ARL10: variants seen among roughly 807,000 people sequenced by gnomAD.
The protein encoded by ARL10 is ADP-ribosylation factor-like protein 10.
In ARL10, 23 loss-of-function variants were observed where a neutral mutation model predicts 26.1. The observed-to-expected ratio is 0.88, with a 90% CI of 0.63 to 1.25. ARL10 has a LOEUF of 1.25. Among genes scored for constraint, ARL10 ranks in the 50% most tolerant of loss-of-function variants. The pLI, the probability that ARL10 is intolerant of heterozygous loss-of-function variation, is 0.00. For synonymous variants in ARL10, 138 were observed against 149.1 expected (o/e 0.93, Z 0.54); for missense variants, 300 against 323.6 (o/e 0.93, Z 0.56).
intron 1 of ARL10, among the ~76,000 whole-genome samples, chr5:176,396,150 C>G (rs1046218008): frequency 6.6e-6 from 1 of 152,090 alleles, no homozygotes; most frequent in African/African-American, 2.4e-5. Context: ...AACAAAAAAC[C>G]CTTCACCCCA....
Position 176,368,845 on chromosome 5 carries a change from T to G in ARL10, c.424T>G (p.Phe142Val), listed in dbSNP as rs752248335. The G allele has an allele frequency of 6.2e-7, 1 of 1,613,376 alleles. No individual in the cohort carries two copies. The highest frequency in any genetic ancestry group is 2.2e-5 in the East Asian group (1 of 44,864). The change falls in exon 3 of 4, where the codon TTT becomes GTT. Residue 142 changes from phenylalanine (F) to valine (V), a missense_variant. Transcript: ENST00000310389. This position sits in a 1 kb window ranked among gnomAD's most constrained non-coding sequence, Gnocchi z 4.1. ...SQNLRFYWKE[F>V]VSEVDVLVFV... ...GAACCTGCGCTTCTACTGGAAGGAG[T>G]TTGTGAGCGAGGTGGATGTGCTGGT...
chr5:176,375,142 A>ATCCACCCGTCCACCCGTCCACCCG lies in ARL10; in HGVS notation c.*3254_*3255insGTCCACCCGTCCACCCGTCCACCC, dbSNP rs1561775742. 3.3e-5 allele frequency: 2 copies of ATCCACCCGTCCACCCGTCCACCCG among 60,426 alleles called. No individual in the cohort carries two copies. Among genetic ancestry groups the ATCCACCCGTCCACCCGTCCACCCG allele is most frequent in the African/African-American group, 1.1e-4 (2 of 18,000 alleles). The allele number at this position is 60,426 out of a possible 1,614,324, so 3.7% of individuals were successfully genotyped here. A position where few individuals can be genotyped will look rare whatever the true frequency, so the allele number is the denominator to read the frequency against. On this transcript the variant is annotated 3_prime_UTR_variant, in exon 4 of 4. Transcript: ENST00000310389. Reference sequence around the variant, plus strand: ...CGTCCACCCGTCCACCCGTCCACCCATCCACCCACCCACCCATCCATCCAC... The same window carrying ATCCACCCGTCCACCCGTCCACCCG: ...CGTCCACCCGTCCACCCGTCCACCCATCCACCCGTCCACCCGTCCACCCGTCCACCCACCCACCCATCCATCCAC...
In ARL10 at chr5:176,372,876, T is replaced by C. The variant is rs1768587674; in HGVS notation, c.*981T>C. 2.5e-6 allele frequency: 1 copy of C among 398,568 alleles called. No individual in the cohort carries two copies. The highest frequency in any genetic ancestry group is 2.1e-5 in the African/African-American group (1 of 48,586). The allele number at this position is 398,568 out of a possible 1,614,324, so 24.7% of individuals were successfully genotyped here. On this transcript the variant is annotated 3_prime_UTR_variant, in exon 4 of 4. Coordinates refer to ENST00000310389, the MANE Select transcript of ARL10 (RefSeq NM_173664.6). Reference sequence around the variant, plus strand: ...CTGTTTTCAAAACCCCAGATGACAGTCATAGAAAATTTGGAACTTAGGAAA... The same window carrying C: ...CTGTTTTCAAAACCCCAGATGACAGCCATAGAAAATTTGGAACTTAGGAAA...
chr5:176,365,638 C>T lies in ARL10; in HGVS notation c.75C>T (p.Phe25=). ...GAAAVLGSVL[F]ILWKTYFGRG... is the part of the protein sequence containing the mutation. The stretch of plus-strand genomic sequence containing the variant: ...CGGCGGTGCTGGGCTCGGTGCTCTT[C>T]ATCCTCTGGAAGACCTACTTCGGCC... The change falls in exon 1 of 4, where the codon TTC becomes TTT. Residue 25 remains phenylalanine, a synonymous_variant. Transcript: ENST00000310389. The T allele has an allele frequency of 7.9e-7, 1 of 1,260,440 alleles. No homozygotes were observed. The highest frequency in any genetic ancestry group is 3.4e-5 in the South Asian group (1 of 29,632). The allele number at this position is 1,260,440 out of a possible 1,614,324, so 78.1% of individuals were successfully genotyped here.
exon 2 of ARL10, chr5:176,388,388 G>A (rs779424803): frequency 6.2e-7 from 1 of 1,612,296 alleles, no homozygotes; most frequent in Non-Finnish European, 8.5e-7. Flanking sequence ...CTCGCGGACC[G>A]TCCCGGCCGA....
the ARL10 span, among the ~76,000 whole-genome samples, chr5:176,410,643 C>T: frequency 1.3e-5 from 2 of 152,160 alleles, no homozygotes; most frequent in African/African-American, 4.8e-5. Context: ...ATCACTGACC[C>T]CTGGCCATGG....
At chr5:176,386,864 C>T (rs781612471), downstream of ARL10, 16 of 1,614,140 alleles carry the variant, frequency 9.9e-6, no homozygotes, top group Admixed American at 1.7e-5. Context: ...GGCTTCCGTA[C>T]AAGCTCTTTA....
chr5:176,366,873 G>A (rs1768329259), intron 2 of ARL10, among the ~76,000 whole-genome samples: 1 of 152,042 alleles, frequency 6.6e-6, no homozygotes, highest in Admixed American at 6.6e-5. Context: ...AGCACTTGAC[G>A]GGCATTGCTT....
At position 176,379,801 on chromosome 5, in the gene ARL10, C is replaced by G. The variant is rs1340167461; in HGVS notation, c.*7906C>G. 2.6e-5 allele frequency: 4 copies of G among 152,156 alleles called. No individual in the cohort carries two copies. The highest frequency in any genetic ancestry group is 7.2e-5 in the African/African-American group (3 of 41,428). 9.4% of individuals were successfully genotyped at this position (152,156 alleles called of 1,614,324 possible). ...CAGCAATTCTTCCAGTTCCTTTTTG[C>G]CTCCTCTTGGGGTTTTGGAGTGGTC... On this transcript the variant is annotated 3_prime_UTR_variant, in exon 4 of 4. Transcript: ENST00000310389.
At chr5:176,371,461 G>A (rs1398190082) in intron 3 of ARL10, among the ~76,000 whole-genome samples, 1 of 152,220 alleles carries the variant, frequency 6.6e-6, no homozygotes, top group African/African-American at 2.4e-5. Context: ...ATTGAGTTTA[G>A]GCCAAGGGGT....
intron 1 of ARL10, among the ~76,000 whole-genome samples, chr5:176,394,321 C>T (rs572713786): frequency 2.0e-5 from 3 of 152,338 alleles, no homozygotes; most frequent in South Asian, 2.1e-4. Context: ...GCCTCCCCAC[C>T]GTCCTGCTGA....
chr5:176,407,238 C>T, the ARL10 span, among the ~76,000 whole-genome samples: 1 of 152,132 alleles, frequency 6.6e-6, no homozygotes, highest in Non-Finnish European at 1.5e-5. Context: ...TTTGCATTCA[C>T]CACTTCACCT....
At chr5:176,370,439 C>T (rs543852884) in intron 3 of ARL10, among the ~76,000 whole-genome samples, 46 of 152,184 alleles carry the variant, frequency 3.0e-4, no homozygotes, top group Non-Finnish European at 6.0e-4. Flanking sequence ...TCAGGTGCCT[C>T]TGAGAGCTGT....
chr5:176,388,572 G>T, exon 2 of ARL10: 1 of 1,569,730 alleles, frequency 6.4e-7, no homozygotes, highest in Non-Finnish European at 8.7e-7. Flanking sequence ...GCTCAAACAC[G>T]CTGCCTCTGT....
In ARL10 at chr5:176,371,788, C is replaced by T. The variant is rs1469587576; in HGVS notation, c.628C>T (p.Gln210Ter). ...GCTGGGTCTACAGGCTATCGATAACCAGCGGGAGGTTTTCCTCTTGGCAGC... is the reference window on the plus strand; with the variant it reads ...GCTGGGTCTACAGGCTATCGATAACTAGCGGGAGGTTTTCCTCTTGGCAGC... ...RELGLQAIDN[Q>*]REVFLLAASI... is the part of the protein sequence containing the mutation. Residue 210 changes from glutamine to a stop codon, truncating the protein, a stop_gained, in exon 4 of 4, where the codon CAG becomes TAG. Coordinates refer to ENST00000310389, the MANE Select transcript of ARL10 (RefSeq NM_173664.6). LOFTEE classifies it high-confidence loss of function. The T allele has an allele frequency of 4.3e-6, 7 of 1,614,098 alleles. No individual in the cohort carries two copies. Among genetic ancestry groups the T allele is most frequent in the Non-Finnish European group, 5.9e-6 (7 of 1,180,058 alleles).
intron 1 of ARL10, chr5:176,396,487 G>A (rs776517011): frequency 1.5e-5 from 24 of 1,613,554 alleles, no homozygotes; most frequent in South Asian, 6.6e-5. Context: ...ACACGTAGCC[G>A]ATGATATCAG....
At chr5:176,413,628 G>T in the ARL10 span, among the ~76,000 whole-genome samples, 8 of 152,222 alleles carry the variant, frequency 5.3e-5, no homozygotes, top group African/African-American at 1.9e-4. Flanking sequence ...ACTGGCGGCC[G>T]CTGCTAAGCC....
chr5:176,404,435 G>A (rs1279792869), downstream of ARL10, among the ~76,000 whole-genome samples: 5 of 152,296 alleles, frequency 3.3e-5, no homozygotes, highest in South Asian at 6.2e-4. Flanking sequence ...CCTCTAATTC[G>A]CATTTTACAA....
At chr5:176,400,934 TAC>T (rs922508836) in intron 1 of ARL10, among the ~76,000 whole-genome samples, 2 of 152,090 alleles carry the variant, frequency 1.3e-5, no homozygotes, top group African/African-American at 2.4e-5. Flanking sequence ...ACATCAGGGC[TAC>T]AGTCTCCAGC....
Sources: gnomAD v4.1 joint callset for allele counts (sites outside exome capture counted in the v4.1 genomes callset) on GRCh38, gnomAD v4.1.1 for gene constraint, Gnocchi (gnomAD v3.1) non-coding constraint, MANE v1.5 for transcripts, NCBI Gene and HGNC (gene_info 2026-07-23, HGNC 2026-07-21) for gene names.